The following DNAH17 variants were observed in gnomAD, a reference collection of about 807,000 sequenced individuals.
DNAH17 encodes axonemal beta dynein heavy chain 17.
In DNAH17, 376 loss-of-function variants were observed where a neutral mutation model predicts 485.6. The observed-to-expected ratio is 0.77, with a 90% CI of 0.71 to 0.84. The LOEUF is 0.84. Ranked by LOEUF, DNAH17 falls within the 40% of genes least tolerant of loss-of-function variation. DNAH17 has a pLI of 0.00. For synonymous variants in DNAH17, 3,031 were observed against 2,405.9 expected, an observed-to-expected ratio of 1.26 and a Z score of -7.60; for missense variants, 6,370 against 5,839.3, an observed-to-expected ratio of 1.09 and a Z score of -2.96.
intron 69 of DNAH17, among the ~76,000 whole-genome samples, chr17:78,447,359 T>A (rs2087353505): frequency 6.6e-6 from 1 of 152,198 alleles, no homozygotes; most frequent in South Asian, 2.1e-4. Context: ...TCATATTCCA[T>A]GCCATCTTGT....
chr17:78,432,727 T>C (rs956911409), intron 75 of DNAH17, among the ~76,000 whole-genome samples: 2 of 152,180 alleles, frequency 1.3e-5, no homozygotes, highest in African/African-American at 4.8e-5. Context: ...GGTCTTGAGC[T>C]TTATTACAAG....
intron 54 of DNAH17, among the ~76,000 whole-genome samples, chr17:78,474,419 T>A (rs955287004): frequency 6.6e-6 from 1 of 152,230 alleles, no homozygotes; most frequent in African/African-American, 2.4e-5. Flanking sequence ...ATAAAAACCC[T>A]CAGCAGTGTG....
chr17:78,474,940 G>T (rs1176250970), intron 54 of DNAH17, among the ~76,000 whole-genome samples: 1 of 148,706 alleles, frequency 6.7e-6, no homozygotes, highest in Non-Finnish European at 1.5e-5. Context: ...CGGGCCGAAA[G>T]GTTTCAGACC....
Position 78,434,128 on chromosome 17 carries a change from C to G in DNAH17, c.12126G>C (p.Lys4042Asn), listed in dbSNP as rs758398050. 1 of 1,613,716 alleles carries G rather than the reference C, an allele frequency of 6.2e-7. No individual in the cohort carries two copies. Among genetic ancestry groups the G allele is most frequent in the South Asian group, 1.1e-5 (1 of 91,088 alleles). ...ACCGGTTCCAGCCCTGGGCGCCGAA[C>G]TTGCGCCTCTCTGCCACCACAGCGT... ...YFHAVVAERR[K>N]FGAQGWNRSY... The change falls in exon 75 of 81, where the codon AAG becomes AAC. Residue 4042 changes from lysine to asparagine, a missense_variant. Transcript: ENST00000389840.
intron 7 of DNAH17, among the ~76,000 whole-genome samples, chr17:78,569,895 T>C (rs1310194430): frequency 6.6e-6 from 1 of 152,082 alleles, no homozygotes; most frequent in East Asian, 1.9e-4. Flanking sequence ...CAGGTGCTTA[T>C]GAATGGGAAG....
At chr17:78,554,473 G>GAAAAAT (rs1568246690) in intron 14 of DNAH17, among the ~76,000 whole-genome samples, 86 of 124,742 alleles carry the variant, frequency 6.9e-4, no homozygotes, top group Non-Finnish European at 9.6e-4. Context: ...AAAAAAAAAG[G>GAAAAAT]ATAGGTTCTA....
At chr17:78,551,844 T>C (rs565366743) in intron 15 of DNAH17, among the ~76,000 whole-genome samples, 1 of 151,832 alleles carries the variant, frequency 6.6e-6, no homozygotes, top group Non-Finnish European at 1.5e-5. Context: ...GCACCTGTAA[T>C]CCCAGCTACT....
At chr17:78,513,850 T>C (rs922125542) in intron 26 of DNAH17, among the ~76,000 whole-genome samples, 3 of 152,228 alleles carry the variant, frequency 2.0e-5, no homozygotes, top group Non-Finnish European at 4.4e-5. Flanking sequence ...GTCAGTACTA[T>C]TATTTCTCTG....
chr17:78,502,292 C>A, intron 33 of DNAH17: 3 of 343,030 alleles, frequency 8.7e-6, no homozygotes, highest in South Asian at 5.0e-5. Flanking sequence ...CTTTTGTTTC[C>A]ATATTTCTAA....
chr17:78,453,031 G>A (rs1189728359), intron 65 of DNAH17, among the ~76,000 whole-genome samples: 1 of 152,150 alleles, frequency 6.6e-6, no homozygotes, highest in African/African-American at 2.4e-5. Context: ...ATTTTTAAAG[G>A]TAATGCAGTC....
intron 6 of DNAH17, 115 bp from the exon 7 acceptor site, chr17:78,570,487 AAG>A: frequency 3.6e-6 from 5 of 1,371,250 alleles, no homozygotes; most frequent in Non-Finnish European, 4.9e-6. Flanking sequence ...AGGGTTCCCA[AAG>A]AGGAGGGGAG....
intron 48 of DNAH17, among the ~76,000 whole-genome samples, chr17:78,482,245 A>G (rs1018760233): frequency 6.6e-6 from 1 of 151,866 alleles, no homozygotes; most frequent in Non-Finnish European, 1.5e-5. Flanking sequence ...GGGTCTCACT[A>G]TATGACCTGG....
chr17:78,434,704 T>A (rs1260560887), intron 74 of DNAH17, among the ~76,000 whole-genome samples: 3 of 152,142 alleles, frequency 2.0e-5, no homozygotes, highest in Non-Finnish European at 4.4e-5. Flanking sequence ...AAACCCTTTC[T>A]TTTTATCTGG....
At position 78,494,098 on chromosome 17, in the gene DNAH17, C is replaced by A; in HGVS notation, c.6346G>T (p.Glu2116Ter). ...ACGGAGTGGCGGACCTGCAGCAGCT[C>A]CTCCAGCTGCACCACCTTCAGCACG... ...SFVLKVVQLE[E>*]LLQVRHSVFI... Residue 2116 changes from glutamate (E) to a stop codon, truncating the protein, a stop_gained, in exon 41 of 81, where the codon GAG becomes TAG. Transcript: ENST00000389840. LOFTEE classifies it high-confidence loss of function. 6.2e-7 allele frequency: 1 copy of A among 1,612,858 alleles called. No individual in the cohort carries two copies. Among genetic ancestry groups the A allele is most frequent in the Non-Finnish European group, 8.5e-7 (1 of 1,179,858 alleles).
At chr17:78,460,713 T>C (rs1365606664) in intron 58 of DNAH17, among the ~76,000 whole-genome samples, 2 of 152,202 alleles carry the variant, frequency 1.3e-5, no homozygotes. Flanking sequence ...TTCTATCGGC[T>C]TGAGCTTCCA....
intron 25 of DNAH17, among the ~76,000 whole-genome samples, chr17:78,520,366 C>T (rs765507856): frequency 1.6e-4 from 25 of 152,082 alleles, no homozygotes; most frequent in Non-Finnish European, 3.4e-4. Flanking sequence ...GAAGTTCAGG[C>T]CACTGCAATA....
chr17:78,530,417 C>G lies in DNAH17; in HGVS notation c.3210G>C (p.Lys1070Asn). ...GCCGGATTGTGCTGAGCAGGGCCTG[C>G]TTGAAGGGGCGGCAGTCGCACTGCA... ...GWLQCDCRPF[K>N]QALLSTIRRW... Residue 1070 changes from lysine (K) to asparagine (N), a missense_variant, in exon 21 of 81, where the codon AAG (lysine) becomes AAC (asparagine). Physicochemically the swap from Lys to Asn is moderately conservative, Grantham distance 94 (BLOSUM62 0). Transcript: ENST00000389840. The G allele has an allele frequency of 1.9e-6, 3 of 1,613,692 alleles. No homozygotes were observed. The highest frequency in any genetic ancestry group is 2.5e-6 in the Non-Finnish European group (3 of 1,179,790).
In DNAH17 at chr17:78,429,240, C is replaced by G; in HGVS notation, c.12286G>C (p.Asp4096His). Residue 4096 changes from aspartate (D) to histidine (H), a missense_variant, in exon 76 of 81, where the codon GAT (aspartate) becomes CAT (histidine). Asp to His is a moderately conservative substitution (Grantham distance 81). Coordinates refer to ENST00000389840, the MANE Select transcript of DNAH17 (RefSeq NM_173628.4). ...CTGCACAGCCGACGGTCCCAGTCATCTGTGATGTGGCCGCCATACATGATT... is the reference window on the plus strand; with the variant it reads ...CTGCACAGCCGACGGTCCCAGTCATGTGTGATGTGGCCGCCATACATGATT... Reference protein sequence around the residue: ...GEIMYGGHITDDWDRRLCRTY... With the variant: ...GEIMYGGHITHDWDRRLCRTY... The G allele has an allele frequency of 6.2e-7, 1 of 1,613,970 alleles. No individual in the cohort carries two copies. Among genetic ancestry groups the G allele is most frequent in the Admixed American group, 1.7e-5 (1 of 60,024 alleles).
intron 22 of DNAH17, 130 bp downstream of exon 22, chr17:78,529,342 G>A: frequency 3.3e-6 from 3 of 897,762 alleles, no homozygotes; most frequent in Non-Finnish European, 5.2e-6. Flanking sequence ...TGTTCCATGG[G>A]GATCTGATGT....
Sources: allele counts gnomAD v4.1 joint callset (sites outside exome capture counted in the v4.1 genomes callset), GRCh38; gene constraint gnomAD v4.1.1; transcripts MANE v1.5; gene names NCBI Gene and HGNC (gene_info 2026-07-23, HGNC 2026-07-21).